Variants in PIK3C2G observed in about 807,000 individuals in gnomAD.
PIK3C2G encodes phosphatidylinositol-4-phosphate 3-kinase catalytic subunit type 2 gamma.
In PIK3C2G, 168 loss-of-function variants were observed where a neutral mutation model predicts 181.1. That is an observed-to-expected ratio of 0.93 (90% CI 0.82 to 1.05). The LOEUF is 1.05. Ranked by LOEUF, PIK3C2G falls within the 50% of genes least tolerant of loss-of-function variation. The pLI is 0.00. For missense variants in PIK3C2G, 1,869 were observed against 1,732.8 expected, an observed-to-expected ratio of 1.08 and a Z score of -1.40; for synonymous variants, 573 against 592.2, an observed-to-expected ratio of 0.97 and a Z score of 0.47.
At chr12:18,462,694 A>C (rs1947983213) in intron 18 of PIK3C2G, among the ~76,000 whole-genome samples, 1 of 152,172 alleles carries the variant, frequency 6.6e-6, no homozygotes, top group African/African-American at 2.4e-5. Flanking sequence ...AAAAGAGAGG[A>C]AGTTTTAAAT....
At chr12:18,329,213 G>C (rs935061377) in intron 8 of PIK3C2G, among the ~76,000 whole-genome samples, 2 of 151,640 alleles carry the variant, frequency 1.3e-5, no homozygotes, top group Non-Finnish European at 3.0e-5. Context: ...AAAACTAGAG[G>C]GTTTTGTGCG....
intron 29 of PIK3C2G, among the ~76,000 whole-genome samples, chr12:18,582,023 G>A (rs1946526046): frequency 6.6e-6 from 1 of 152,080 alleles, no homozygotes. Context: ...TGCTACTGAT[G>A]GTCAAAAATT....
the PIK3C2G span, chr12:18,713,673 A>G: frequency 6.6e-6 from 1 of 152,248 alleles, no homozygotes; most frequent in East Asian, 1.9e-4. Context: ...GGAAGCCTGG[A>G]CACCTGCTCA....
intron 25 of PIK3C2G, among the ~76,000 whole-genome samples, chr12:18,544,629 A>T (rs1230305744): frequency 6.6e-6 from 1 of 151,816 alleles, no homozygotes; most frequent in Non-Finnish European, 1.5e-5. Flanking sequence ...ATTTCTTGTT[A>T]GTTGGGCAGT....
chr12:18,257,815 GAGAAAGAGAA>G (rs1310265649), upstream of PIK3C2G, among the ~76,000 whole-genome samples: 7 of 142,360 alleles, frequency 4.9e-5, no homozygotes, highest in Admixed American at 7.7e-5. Context: ...AAGAAAGAAG[GAGAAAGAGAA>G]AGAAAGAGAA....
At chr12:18,410,308 C>A (rs1944788552) in intron 16 of PIK3C2G, among the ~76,000 whole-genome samples, 1 of 151,998 alleles carries the variant, frequency 6.6e-6, no homozygotes, top group African/African-American at 2.4e-5. Flanking sequence ...AGTTTGAGAC[C>A]AGCCTGGCCA....
chr12:18,553,494 GC>G (rs1251130560), intron 26 of PIK3C2G, among the ~76,000 whole-genome samples: 31 of 152,192 alleles, frequency 2.0e-4, no homozygotes, highest in African/African-American at 7.5e-4. Context: ...AGTCCACAGA[GC>G]CTAAAACTCT....
At chr12:18,562,380 C>T (rs890632731) in intron 26 of PIK3C2G, among the ~76,000 whole-genome samples, 2 of 152,158 alleles carry the variant, frequency 1.3e-5, no homozygotes, top group African/African-American at 4.8e-5. Context: ...GATCCGCCCG[C>T]CTCGGCCTTC....
Position 18,282,220 on chromosome 12 carries a change from A to T in PIK3C2G, c.139A>T (p.Ile47Phe). ...SLGFDQIVDE[I>F]SGKIPHYESE... ...GGGTTTTGATCAGATAGTAGATGAG[A>T]TCAGTGGCAAAATTCCACACTACGA... The change falls in exon 2 of 33, where the codon ATC becomes TTC. Residue 47 changes from isoleucine (I) to phenylalanine (F), a missense_variant. By Grantham distance (21) the Ile-to-Phe change is conservative. Coordinates refer to ENST00000538779, the MANE Select transcript of PIK3C2G (RefSeq NM_001288772.2). 1 of 1,613,608 alleles carries T rather than the reference A, an allele frequency of 6.2e-7. No individual in the cohort carries two copies. Among genetic ancestry groups the T allele is most frequent in the Non-Finnish European group, 8.5e-7 (1 of 1,179,704 alleles).
intron 1 of PIK3C2G, among the ~76,000 whole-genome samples, chr12:18,272,401 A>C (rs1948781133): frequency 6.6e-6 from 1 of 152,098 alleles, no homozygotes; most frequent in African/African-American, 2.4e-5. Context: ...GAAGCACAAA[A>C]CACCTGGCTG....
the PIK3C2G span, among the ~76,000 whole-genome samples, chr12:18,673,888 G>A: frequency 6.6e-6 from 1 of 152,296 alleles, no homozygotes; most frequent in African/African-American, 2.4e-5. Flanking sequence ...TCTTTCACAT[G>A]GCAGCTTGCT....
chr12:18,689,869 TTCTACTATCTGAGCAAGTCATAAAGTAA>T, the PIK3C2G span, among the ~76,000 whole-genome samples: 1 of 151,512 alleles, frequency 6.6e-6, no homozygotes, highest in Non-Finnish European at 1.5e-5. Flanking sequence ...AAATCGTGCC[TTCTACTATCTGAGCAAGTCATAAAGTAA>T]TCACAAAGCT....
downstream of PIK3C2G, among the ~76,000 whole-genome samples, chr12:18,650,200 C>A (rs1950357613): frequency 6.6e-6 from 1 of 151,786 alleles, no homozygotes; most frequent in South Asian, 2.1e-4. Context: ...TCTTTTCCCC[C>A]AGACCTGTTT....
At chr12:18,450,189 C>T (rs771111815) in intron 18 of PIK3C2G, among the ~76,000 whole-genome samples, 6 of 152,166 alleles carry the variant, frequency 3.9e-5, no homozygotes, top group Non-Finnish European at 8.8e-5. Flanking sequence ...TGCAATGGCA[C>T]AATCTCAGCT....
At chr12:18,610,633 T>G (rs1195128721) in intron 31 of PIK3C2G, among the ~76,000 whole-genome samples, 2 of 152,114 alleles carry the variant, frequency 1.3e-5, no homozygotes, top group African/African-American at 2.4e-5. Context: ...TTAAAACAAT[T>G]ATTTTCCATT....
chr12:18,321,371 C>T (rs901288029), intron 7 of PIK3C2G, among the ~76,000 whole-genome samples: 2 of 152,104 alleles, frequency 1.3e-5, no homozygotes, highest in Non-Finnish European at 2.9e-5. Context: ...TTTAATACTT[C>T]GAAGGTAACC....
chr12:18,386,258 A>G (rs562733080), intron 14 of PIK3C2G, among the ~76,000 whole-genome samples: 186 of 152,250 alleles, frequency 1.2e-3, no homozygotes, highest in African/African-American at 4.3e-3. Flanking sequence ...GCTCTCATTC[A>G]TTTAGTTTCT....
chr12:18,310,978 T>C (rs565561838), intron 5 of PIK3C2G, among the ~76,000 whole-genome samples: 6 of 152,118 alleles, frequency 3.9e-5, no homozygotes, highest in East Asian at 1.9e-4. Context: ...TCAAAGAAAG[T>C]ATAATAAGCT....
At chr12:18,371,413 T>A (rs954236158) in intron 13 of PIK3C2G, 102 bp downstream of exon 13, 1 of 978,092 alleles carries the variant, frequency 1.0e-6, no homozygotes, top group African/African-American at 1.7e-5. Context: ...TCAAGACATT[T>A]TATTCTAAAA....
Sources: allele counts gnomAD v4.1 joint callset (sites outside exome capture counted in the v4.1 genomes callset), GRCh38; gene constraint gnomAD v4.1.1; transcripts MANE v1.5; gene names NCBI Gene and HGNC (gene_info 2026-07-23, HGNC 2026-07-21).